Variants in ACACA observed in about 807,000 individuals in gnomAD.
The protein encoded by ACACA is acetyl-CoA carboxylase 1.
ACACA carries 103 observed loss-of-function variants against 296.1 expected under a neutral mutation model. That is an observed-to-expected ratio of 0.35 (90% CI 0.30 to 0.41). The LOEUF (loss-of-function observed/expected upper bound fraction) is 0.41. Ranked by LOEUF, ACACA falls within the 10% of genes least tolerant of loss-of-function variation. The probability of loss-of-function intolerance (pLI) is 1.00; values close to 1 mark genes in which losing one functional copy is unlikely to be tolerated. For synonymous variants in ACACA, 953 were observed against 1,038.6 expected (o/e 0.92, Z 1.58); for missense variants, 1,554 against 2,989.7 (o/e 0.52, Z 11.20).
intron 35 of ACACA, among the ~76,000 whole-genome samples, chr17:37,193,947 C>T (rs2077874690): frequency 6.6e-6 from 1 of 152,064 alleles, no homozygotes; most frequent in Admixed American, 6.6e-5. Context: ...TAAGATTCTA[C>T]CTTGGTCACT....
intron 3 of ACACA, among the ~76,000 whole-genome samples, chr17:37,325,248 C>T (rs1018547231): frequency 3.3e-5 from 5 of 150,596 alleles, no homozygotes; most frequent in Middle Eastern, 3.5e-3. Context: ...CACCTGTAAT[C>T]GCAGCTACTT....
At chr17:37,260,684 T>A (rs1174685080) in intron 11 of ACACA, among the ~76,000 whole-genome samples, 1 of 152,066 alleles carries the variant, frequency 6.6e-6, no homozygotes, top group Non-Finnish European at 1.5e-5. Flanking sequence ...ATAGTCATGA[T>A]AGTATAAGCC....
At chr17:37,272,306 G>A (rs1370865325) in intron 9 of ACACA, among the ~76,000 whole-genome samples, 1 of 152,060 alleles carries the variant, frequency 6.6e-6, no homozygotes. Flanking sequence ...TGGCATCACT[G>A]TACTCCAGCC....
intron 2 of ACACA, among the ~76,000 whole-genome samples, chr17:37,333,729 T>C (rs1273254976): frequency 6.6e-6 from 1 of 150,640 alleles, no homozygotes; most frequent in African/African-American, 2.4e-5. Context: ...GCCTGTGAAG[T>C]GTGCCAAAGA....
intron 39 of ACACA, among the ~76,000 whole-genome samples, chr17:37,183,894 C>A (rs567092507): frequency 6.9e-6 from 1 of 144,034 alleles, no homozygotes; most frequent in East Asian, 2.0e-4. Context: ...CTCTTGTTGC[C>A]CAGGCTGGAG....
rs146266322 is a variant in ACACA, at chr17:37,382,930, G to A, written c.38+23332C>T. On this transcript the variant is annotated intron_variant, in intron 1 of 55. Coordinates refer to ENST00000616317, the MANE Select transcript of ACACA (RefSeq NM_198834.3). The stretch of plus-strand genomic sequence containing the variant: ...CACGCGCTTGTAGTCCCAGCTACTC[G>A]GGAGGCTGAGACAGAAGAATGACTT... 8.0e-4 allele frequency among the ~76,000 whole-genome samples: 122 copies of A among 152,086 alleles called. 2 individuals carry two copies. In the East Asian group the frequency reaches 0.019, roughly 23 times the overall value.
At chr17:37,111,130 C>G (rs965220728) in intron 52 of ACACA, among the ~76,000 whole-genome samples, 1 of 152,078 alleles carries the variant, frequency 6.6e-6, no homozygotes, top group Non-Finnish European at 1.5e-5. Flanking sequence ...GGTAAAGACT[C>G]CTGCTTTTCT....
intron 39 of ACACA, among the ~76,000 whole-genome samples, chr17:37,187,138 G>A (rs565134976): frequency 2.6e-5 from 4 of 152,070 alleles, no homozygotes; most frequent in Non-Finnish European, 4.4e-5. Flanking sequence ...CACCACTCAC[G>A]CTCTTGCGCA....
intron 48 of ACACA, among the ~76,000 whole-genome samples, chr17:37,123,757 G>A (rs1597886911): frequency 1.3e-5 from 2 of 152,268 alleles, no homozygotes; most frequent in East Asian, 3.9e-4. Flanking sequence ...ATACACAGGA[G>A]GGTTTAGAAA....
chr17:37,309,846 C>T (rs1031470161), intron 3 of ACACA, among the ~76,000 whole-genome samples: 6 of 151,942 alleles, frequency 3.9e-5, no homozygotes, highest in Admixed American at 3.3e-4. Flanking sequence ...GAGTCCGAGA[C>T]TTTGAGACCA....
chr17:37,217,910 GA>G (rs913860047), intron 29 of ACACA, among the ~76,000 whole-genome samples: 4 of 149,914 alleles, frequency 2.7e-5, no homozygotes, highest in Non-Finnish European at 1.5e-5. Context: ...TATGGGAGGG[GA>G]AAAAAAAATT....
chr17:37,365,507 C>A, intron 1 of ACACA: 1 of 985,434 alleles, frequency 1.0e-6, no homozygotes, highest in Non-Finnish European at 1.2e-6. Flanking sequence ...AGAGGCAAAG[C>A]CTCCAGTGGG....
chr17:37,306,185 G>C (rs1001437106), intron 3 of ACACA, among the ~76,000 whole-genome samples: 3 of 152,090 alleles, frequency 2.0e-5, no homozygotes, highest in African/African-American at 7.2e-5. Flanking sequence ...TGGGATTACA[G>C]GCGTGAGCCA....
Position 37,263,879 on chromosome 17 carries a change from G to C in ACACA, c.1135C>G (p.Pro379Ala). ...NLFRQVQAEV[P>A]GSPIFVMRLA... Reference sequence around the variant, plus strand: ...CTCATCACAAATATGGGAGATCCAGGAACTTCAGCTTGAACCTGTATTAGA... The same window carrying C: ...CTCATCACAAATATGGGAGATCCAGCAACTTCAGCTTGAACCTGTATTAGA... The change falls in exon 11 of 56, where the codon CCT becomes GCT. Residue 379 changes from proline to alanine, a missense_variant. By Grantham distance (27) the Pro-to-Ala change is conservative. Coordinates refer to ENST00000616317, the MANE Select transcript of ACACA (RefSeq NM_198834.3). The C allele has an allele frequency of 6.2e-7, 1 of 1,613,502 alleles. No individual in the cohort carries two copies. The highest frequency in any genetic ancestry group is 1.1e-5 in the South Asian group (1 of 91,022).
chr17:37,333,442 A>G (rs1568010106), intron 2 of ACACA, among the ~76,000 whole-genome samples: 1 of 152,152 alleles, frequency 6.6e-6, no homozygotes, highest in Non-Finnish European at 1.5e-5. Context: ...AAATGCTTAT[A>G]GAAGGACACC....
intron 11 of ACACA, among the ~76,000 whole-genome samples, chr17:37,262,484 T>C (rs1479862868): frequency 6.6e-6 from 1 of 152,172 alleles, no homozygotes; most frequent in East Asian, 1.9e-4. Flanking sequence ...AAGAGCCAGA[T>C]AGTAATTATT....
chr17:37,333,268 G>A (rs1295926724), intron 2 of ACACA, among the ~76,000 whole-genome samples: 4 of 152,130 alleles, frequency 2.6e-5, no homozygotes, highest in African/African-American at 9.7e-5. Flanking sequence ...ATCAAACATC[G>A]GGAAGCCATC....
chr17:37,165,725 A>C (rs891803354), intron 41 of ACACA, among the ~76,000 whole-genome samples: 3 of 145,610 alleles, frequency 2.1e-5, no homozygotes, highest in African/African-American at 7.8e-5. Context: ...CCCAGGCTGG[A>C]GTGTAGTGGC....
intron 24 of ACACA, among the ~76,000 whole-genome samples, chr17:37,239,855 T>C (rs971057036): frequency 6.6e-6 from 1 of 152,172 alleles, no homozygotes. Flanking sequence ...TAAAGGAAAA[T>C]GTTTCAAATT....
Sources: allele counts gnomAD v4.1 joint callset (sites outside exome capture counted in the v4.1 genomes callset), GRCh38; gene constraint gnomAD v4.1.1; transcripts MANE v1.5; gene names NCBI Gene and HGNC (gene_info 2026-07-23, HGNC 2026-07-21).